Variants in CLASP1 observed in about 807,000 individuals in gnomAD.
CLASP1 encodes the protein CLIP-associating protein 1.
A neutral mutation model predicts 192.3 loss-of-function variants in CLASP1; 38 were observed. The observed-to-expected ratio is 0.20, with a 90% CI of 0.15 to 0.26. CLASP1 has a LOEUF of 0.26. CLASP1 is among the 10% of genes least tolerant of loss of function. The pLI is 1.00. For missense variants in CLASP1, 1,433 were observed against 1,932.5 expected (o/e 0.74, Z 4.85); for synonymous variants, 691 against 712.8 (o/e 0.97, Z 0.49).
At chr2:121,508,006 GA>G (rs1198083814) in intron 7 of CLASP1, among the ~76,000 whole-genome samples, 1 of 151,918 alleles carries the variant, frequency 6.6e-6, no homozygotes, top group African/African-American at 2.4e-5. Context: ...CCTTTGGGTT[GA>G]AATGAAAGGA....
intron 32 of CLASP1, among the ~76,000 whole-genome samples, chr2:121,384,216 TCTC>T (rs2072658643): frequency 6.6e-6 from 1 of 151,326 alleles, no homozygotes; most frequent in Non-Finnish European, 1.5e-5. Context: ...TAAGACAGGG[TCTC>T]ATTCTGTTGT....
intron 9 of CLASP1, 145 bp downstream of exon 9, chr2:121,469,663 A>G (rs930630328): frequency 1.4e-6 from 1 of 729,842 alleles, no homozygotes; most frequent in Non-Finnish European, 2.1e-6. Flanking sequence ...TCGCAATGCT[A>G]ATTCAATTAA....
chr2:121,441,690 G>A (rs1016411623), intron 19 of CLASP1, among the ~76,000 whole-genome samples: 17 of 152,054 alleles, frequency 1.1e-4, no homozygotes, highest in African/African-American at 4.1e-4. Context: ...GGTGCAGTGA[G>A]CTGTAATAGC....
intron 28 of CLASP1, among the ~76,000 whole-genome samples, chr2:121,399,203 G>A (rs542055384): frequency 8.1e-4 from 123 of 152,214 alleles, no homozygotes; most frequent in Non-Finnish European, 1.4e-3. Flanking sequence ...AATAGAACTG[G>A]TTTGAAAAGT....
chr2:121,588,017 T>C (rs955220353), intron 2 of CLASP1, among the ~76,000 whole-genome samples: 3 of 150,418 alleles, frequency 2.0e-5, no homozygotes, highest in Middle Eastern at 3.4e-3. Flanking sequence ...CTACTAAAAA[T>C]ACAAAAATTA....
intron 14 of CLASP1, among the ~76,000 whole-genome samples, chr2:121,457,394 A>AG (rs1320978837): frequency 2.0e-4 from 31 of 152,118 alleles, no homozygotes; most frequent in African/African-American, 7.5e-4. Context: ...AAAAATGTAC[A>AG]GGGAGTCCTC....
intron 2 of CLASP1, among the ~76,000 whole-genome samples, chr2:121,531,593 C>CA (rs35331131): frequency 0.046 from 4,792 of 103,914 alleles, 247 homozygotes; most frequent in African/African-American, 0.13. Context: ...GACTCCATCT[C>CA]AAAAAAAAAA....
At chr2:121,478,660 A>AC (rs200131240) in intron 8 of CLASP1, among the ~76,000 whole-genome samples, 1 of 46,536 alleles carries the variant, frequency 2.1e-5, no homozygotes, top group Non-Finnish European at 3.7e-5. Context: ...ACACACACAC[A>AC]CCCCCCACAC....
intron 1 of CLASP1, among the ~76,000 whole-genome samples, chr2:121,626,801 CCAA>C (rs1453023903): frequency 4.6e-5 from 7 of 152,220 alleles, no homozygotes; most frequent in Admixed American, 3.9e-4. Flanking sequence ...CTTCTTCTCA[CCAA>C]CAATAGATAC....
chr2:121,364,970 A>T, intron 36 of CLASP1, 124 bp downstream of exon 37: 1 of 876,634 alleles, frequency 1.1e-6, no homozygotes, highest in Non-Finnish European at 1.8e-6. Flanking sequence ...TGAACAAATA[A>T]ATGTTTTGAT....
At chr2:121,582,698 A>T (rs1017171028) in intron 2 of CLASP1, among the ~76,000 whole-genome samples, 1 of 152,036 alleles carries the variant, frequency 6.6e-6, no homozygotes, top group African/African-American at 2.4e-5. Flanking sequence ...AGGTAGTCAA[A>T]ATTATTCTTC....
chr2:121,448,382 T>C, intron 17 of CLASP1, 57 bp from the exon 18 acceptor site: 1 of 1,334,812 alleles, frequency 7.5e-7, no homozygotes, highest in Non-Finnish European at 1.1e-6. Context: ...TTAATACAAA[T>C]ACAAACTACA....
chr2:121,438,339 G>T (rs1039339885), intron 19 of CLASP1, among the ~76,000 whole-genome samples: 32 of 152,170 alleles, frequency 2.1e-4, no homozygotes, highest in African/African-American at 2.7e-4. Flanking sequence ...AAGATTAGGG[G>T]TTTTTTTTCC....
intron 3 of CLASP1, among the ~76,000 whole-genome samples, chr2:121,529,945 T>C (rs1553614624): frequency 6.6e-6 from 1 of 152,140 alleles, no homozygotes; most frequent in Non-Finnish European, 1.5e-5. Flanking sequence ...ATTACTAAGT[T>C]CCGTGTGAGA....
chr2:121,631,287 C>CTTTT (rs769717647), intron 1 of CLASP1, among the ~76,000 whole-genome samples: 5 of 127,590 alleles, frequency 3.9e-5, no homozygotes, highest in African/African-American at 1.1e-4. Flanking sequence ...TTTAAAATTA[C>CTTTT]TTTTTTTTTT....
chr2:121,609,307 T>C (rs1288478079), intron 1 of CLASP1, among the ~76,000 whole-genome samples: 1 of 152,208 alleles, frequency 6.6e-6, no homozygotes, highest in African/African-American at 2.4e-5. Flanking sequence ...AATAAGCATA[T>C]GCTTCTTGAA....
At chr2:121,407,430 G>A (rs1408371617) in intron 25 of CLASP1, 41 bp downstream of exon 26, 2 of 1,610,098 alleles carry the variant, frequency 1.2e-6, no homozygotes, top group Non-Finnish European at 1.7e-6. Flanking sequence ...GAGTCCAACA[G>A]GAGATTCAAA....
intron 1 of CLASP1, among the ~76,000 whole-genome samples, chr2:121,631,649 A>G (rs287786): frequency 2.6e-5 from 4 of 151,924 alleles, no homozygotes; most frequent in Non-Finnish European, 5.9e-5. Context: ...AGTGGCTCAC[A>G]CCTGTAATCC....
intron 30 of CLASP1, among the ~76,000 whole-genome samples, chr2:121,391,456 G>A (rs1160294516): frequency 6.6e-6 from 1 of 152,214 alleles, no homozygotes; most frequent in Admixed American, 6.5e-5. Context: ...GATAAAATCA[G>A]CAAGACACAC....
Sources: gnomAD v4.1 joint callset for allele counts (sites outside exome capture counted in the v4.1 genomes callset) on GRCh38, gnomAD v4.1.1 for gene constraint, MANE v1.5 for transcripts, NCBI Gene and HGNC (gene_info 2026-07-23, HGNC 2026-07-21) for gene names.